The following CCDC179 variants were observed in gnomAD, a reference collection of about 807,000 sequenced individuals.
CCDC179 encodes the protein coiled-coil domain-containing protein 179.
CCDC179 carries 17 observed loss-of-function variants against 12.0 expected under a neutral mutation model. The observed-to-expected ratio is 1.42, with a 90% CI of 0.97 to 2.13. CCDC179 has a LOEUF of 2.13. Ranked by LOEUF, CCDC179 falls within the 30% of genes most tolerant of loss-of-function variation. The pLI, the probability that CCDC179 is intolerant of heterozygous loss-of-function variation, is 0.00. For synonymous variants in CCDC179, 27 were observed against 26.4 expected (o/e 1.02, Z -0.07); for missense variants, 83 against 78.6 (o/e 1.06, Z -0.21).
rs11026817 is a variant in CCDC179, at chr11:22,858,612, C to T, written c.91-586G>A. The stretch of plus-strand genomic sequence containing the variant: ...TTGAAAACCAACTTTTTAAAAAATC[C>T]ACTGATAACAGAATATAAACTTGAA... On this transcript the variant is annotated intron_variant, in intron 2 of 3. Transcript: ENST00000532798. 1.2e-4 allele frequency among the ~76,000 whole-genome samples: 19 copies of T among 152,032 alleles called. No homozygotes were observed. The East Asian group carries it at 3.3e-3, about 26-fold the overall frequency.
chr11:22,850,955 TATATATA>T (rs1858367040), intron 3 of CCDC179, among the ~76,000 whole-genome samples: 1 of 9,254 alleles, frequency 1.1e-4, no homozygotes, highest in African/African-American at 2.2e-4. Flanking sequence ...TATATATATA[TATATATA>T]TATATATATA....
At chr11:22,858,835 A>G (rs1445715678) in intron 2 of CCDC179, among the ~76,000 whole-genome samples, 1 of 152,090 alleles carries the variant, frequency 6.6e-6, no homozygotes, top group Non-Finnish European at 1.5e-5. Flanking sequence ...CATAAACAAG[A>G]GAAAGGATTA....
At chr11:22,856,906 GA>G in intron 3 of CCDC179, among the ~76,000 whole-genome samples, 1 of 151,514 alleles carries the variant, frequency 6.6e-6, no homozygotes, top group South Asian at 2.1e-4. Context: ...AATGCAAAGT[GA>G]AAAACAGCCT....
intron 3 of CCDC179, 34 bp downstream of exon 3, chr11:22,857,888 G>T (rs766123385): frequency 3.6e-5 from 38 of 1,061,714 alleles, no homozygotes; most frequent in Non-Finnish European, 4.9e-5. Context: ...TGCATTTAAT[G>T]ATCTGTTAAT....
chr11:22,860,344 C>A, intron 1 of CCDC179, 33 bp downstream of exon 1: 2 of 1,533,938 alleles, frequency 1.3e-6, no homozygotes, highest in South Asian at 1.2e-5. Flanking sequence ...GACAGAGTGG[C>A]AGAGTTGAGG....
At chr11:22,853,529 A>C (rs774313697) in intron 3 of CCDC179, among the ~76,000 whole-genome samples, 1 of 152,112 alleles carries the variant, frequency 6.6e-6, no homozygotes, top group Non-Finnish European at 1.5e-5. Context: ...AAAACTAATT[A>C]GCTTAAAGAT....
At position 22,847,511 on chromosome 11, in the gene CCDC179, C is replaced by T; in HGVS notation, c.206G>A (p.Ter69=). 1 of 1,432,688 alleles carries T rather than the reference C, an allele frequency of 7.0e-7. No individual in the cohort carries two copies. Among genetic ancestry groups the T allele is most frequent in the Non-Finnish European group, 9.3e-7 (1 of 1,079,576 alleles). 88.7% of individuals were successfully genotyped at this position (1,432,688 alleles called of 1,614,324 possible). ...TCCTTCAAATAGACTCCTGCTTTAT[C>T]AAGATGACCACTAGACAAGATTAAA... The part of the protein sequence containing the change: ...IPEPGLLWSS[*] The change falls in exon 4 of 4, where the codon TGA becomes TAA. Residue 69 remains the stop codon, a stop_retained_variant. Transcript: ENST00000532798.
chr11:22,848,357 T>G (rs1056345744), intron 3 of CCDC179, among the ~76,000 whole-genome samples: 2 of 152,000 alleles, frequency 1.3e-5, no homozygotes, highest in African/African-American at 4.8e-5. Context: ...GGCAGGAGAA[T>G]TGCTTGAGCC....
chr11:22,850,703 T>C (rs1157296965), intron 3 of CCDC179, among the ~76,000 whole-genome samples: 1 of 151,646 alleles, frequency 6.6e-6, no homozygotes, highest in Non-Finnish European at 1.5e-5. Flanking sequence ...AAGGGCCAAG[T>C]CATGGAAGAA....
At chr11:22,848,764 G>T (rs1025673063) in intron 3 of CCDC179, among the ~76,000 whole-genome samples, 1 of 152,118 alleles carries the variant, frequency 6.6e-6, no homozygotes, top group African/African-American at 2.4e-5. Context: ...AAAATGAGAA[G>T]AATTAACAAA....
chr11:22,859,910 C>T (rs931216869), intron 1 of CCDC179, among the ~76,000 whole-genome samples: 5 of 152,170 alleles, frequency 3.3e-5, no homozygotes, highest in Non-Finnish European at 7.3e-5. Flanking sequence ...TGATTGAGAT[C>T]GTATGGTTTT....
intron 3 of CCDC179, among the ~76,000 whole-genome samples, chr11:22,851,184 C>T (rs1281430899): frequency 1.3e-5 from 2 of 150,454 alleles, no homozygotes; most frequent in Non-Finnish European, 3.0e-5. Context: ...AAGGGAGGAG[C>T]TTTGTTGATA....
rs1564915178 is a variant in CCDC179 at position 22,850,973 on chromosome 11, T to TAC, written c.196-3453_196-3452insGT. ...ATATATATATATATATATATATATA[T>TAC]ATATTTTTTTTTTTTTTTTTTTTTT... On this transcript the variant is annotated intron_variant, in intron 3 of 3. Transcript: ENST00000532798. 5.2e-3 allele frequency among the ~76,000 whole-genome samples: 83 copies of TAC among 16,020 alleles called. 2 individuals are homozygous for TAC. Among genetic ancestry groups the TAC allele is most frequent in the Non-Finnish European group, 0.01 (76 of 7,332 alleles). 10.5% of individuals were successfully genotyped at this position (16,020 alleles called of 152,430 possible). A position where few individuals can be genotyped will look rare whatever the true frequency, so the allele number is the denominator to read the frequency against.
Position 22,860,384 on chromosome 11 carries a change from A to G in CCDC179, c.38T>C (p.Val13Ala). ...AGGCCCCAGCAGACTCACAGGGTTG[A>G]CTTGGGAAGGCTCGATGTCCCAGCA... The part of the protein sequence containing the change: ...LYCWDIEPSQ[V>A]NPEGPRQHHP... Residue 13 changes from valine (V) to alanine (A), a missense_variant, in exon 1 of 4, where the codon GTC becomes GCC. Coordinates refer to ENST00000532798, the MANE Select transcript of CCDC179 (RefSeq NM_001195637.2). 1 of 1,535,590 alleles carries G rather than the reference A, an allele frequency of 6.5e-7. No homozygotes were observed. The highest frequency in any genetic ancestry group is 8.7e-7 in the Non-Finnish European group (1 of 1,146,654).
intron 3 of CCDC179, among the ~76,000 whole-genome samples, chr11:22,854,520 T>C (rs1209161393): frequency 4.6e-5 from 7 of 151,764 alleles, no homozygotes; most frequent in Non-Finnish European, 8.9e-5. Flanking sequence ...ATTATAAATG[T>C]ATAGTTCAAA....
chr11:22,847,298 G>A lies in CCDC179; in HGVS notation c.*212C>T, dbSNP rs998883027. The A allele has an allele frequency of 3.0e-5, 11 of 365,642 alleles. No individual in the cohort carries two copies. The highest frequency in any genetic ancestry group is 2.3e-4 in the African/African-American group (11 of 47,670). The allele number at this position is 365,642 out of a possible 1,614,324, so 22.6% of individuals were successfully genotyped here. The stretch of plus-strand genomic sequence containing the variant: ...AGCAGCAAATTTCAAGTTTACCACA[G>A]GAAAGAAAAATATGGTAGTGAGAGA... On this transcript the variant is annotated 3_prime_UTR_variant, in exon 4 of 4. Coordinates refer to ENST00000532798, the MANE Select transcript of CCDC179 (RefSeq NM_001195637.2).
intron 3 of CCDC179, among the ~76,000 whole-genome samples, chr11:22,850,845 G>C (rs892561595): frequency 7.4e-5 from 11 of 148,400 alleles, no homozygotes; most frequent in Non-Finnish European, 7.4e-5. Context: ...TAGAAAGGTA[G>C]ACCCAGGAAT....
chr11:22,849,087 G>A (rs906689572), intron 3 of CCDC179, among the ~76,000 whole-genome samples: 5 of 152,140 alleles, frequency 3.3e-5, no homozygotes, highest in Non-Finnish European at 7.4e-5. Flanking sequence ...ACTAGAATAC[G>A]GTTGTCACAG....
chr11:22,849,648 C>CTATACG (rs2134826902), intron 3 of CCDC179, among the ~76,000 whole-genome samples: 1 of 152,226 alleles, frequency 6.6e-6, no homozygotes, highest in East Asian at 1.9e-4. Context: ...AACGTATAGT[C>CTATACG]TTTTAGCCCT....
Sources: allele counts gnomAD v4.1 joint callset (sites outside exome capture counted in the v4.1 genomes callset), GRCh38; gene constraint gnomAD v4.1.1; transcripts MANE v1.5; gene names NCBI Gene and HGNC (gene_info 2026-07-23, HGNC 2026-07-21).